Variants in GREM2 observed in about 807,000 individuals in gnomAD.
The protein encoded by GREM2 is gremlin 2, DAN family BMP antagonist.
A neutral mutation model predicts 14.2 loss-of-function variants in GREM2; 11 were observed. The ratio of observed to expected loss-of-function variants is 0.78; its 90% confidence interval spans 0.49 to 1.28. The LOEUF (loss-of-function observed/expected upper bound fraction) is 1.28, where lower values mean the gene tolerates loss of function less well. Ranked by LOEUF, GREM2 falls within the 50% of genes most tolerant of loss-of-function variation. GREM2 has a pLI of 0.00. For missense variants in GREM2, 210 were observed against 218.5 expected, an observed-to-expected ratio of 0.96 and a Z score of 0.24; for synonymous variants, 98 against 97.6, an observed-to-expected ratio of 1.00 and a Z score of -0.02.
At chr1:240,530,717 C>T (rs1486973996) in intron 1 of GREM2, 1 of 152,044 alleles carries the variant, frequency 6.6e-6, no homozygotes, top group Non-Finnish European at 1.5e-5. Flanking sequence ...AATGATAAAC[C>T]ACCAAAAAGT....
At chr1:240,500,594 C>T (rs9729222) in intron 1 of GREM2, among the ~76,000 whole-genome samples, 39,620 of 151,992 alleles carry the variant, frequency 0.26, 5,427 homozygotes, top group African/African-American at 0.35. Flanking sequence ...CGTGAGCTGC[C>T]GTGCCCAGCC....
intron 1 of GREM2, among the ~76,000 whole-genome samples, chr1:240,558,743 A>C (rs1678991743): frequency 6.6e-6 from 1 of 152,110 alleles, no homozygotes; most frequent in Admixed American, 6.6e-5. Context: ...AGAGAACTTT[A>C]GTTTCTGTTG....
At chr1:240,585,513 T>TGTCCTCTGGAGTTCGAGACCTGGAGTTC (rs1459831382) in intron 1 of GREM2, among the ~76,000 whole-genome samples, 1 of 151,930 alleles carries the variant, frequency 6.6e-6, no homozygotes, top group Non-Finnish European at 1.5e-5. Context: ...GAGGATCACT[T>TGTCCTCTGGAGTTCGAGACCTGGAGTTC]GAGGTCTGGA....
At chr1:240,524,709 C>T (rs1678184210) in intron 1 of GREM2, among the ~76,000 whole-genome samples, 1 of 152,182 alleles carries the variant, frequency 6.6e-6, no homozygotes, top group African/African-American at 2.4e-5. Flanking sequence ...TGACATAAAA[C>T]AACAAAAGCC....
chr1:240,559,392 G>T, intron 1 of GREM2, among the ~76,000 whole-genome samples: 1 of 139,794 alleles, frequency 7.2e-6, no homozygotes, highest in African/African-American at 2.8e-5. Context: ...CACCCAGTGT[G>T]GAGGACAATG....
In GREM2 at chr1:240,492,070, G is replaced by A. The variant is rs1677265458; in HGVS notation, c.*899C>T. The stretch of plus-strand genomic sequence containing the variant: ...TGCTGTCATCCTTACTCCGAATGGT[G>A]CTGCAAGCCAGAGTCAAAACATGTG... On this transcript the variant is annotated 3_prime_UTR_variant, in exon 2 of 2. Transcript: ENST00000318160. 4.6e-6 allele frequency: 1 copy of A among 219,658 alleles called. No individual in the cohort carries two copies. Among genetic ancestry groups the A allele is most frequent in the Admixed American group, 4.5e-5 (1 of 22,228 alleles). The allele number at this position is 219,658 out of a possible 1,614,324, so 13.6% of individuals were successfully genotyped here.
chr1:240,575,635 C>CTCAGTCTCCTGAA, intron 1 of GREM2, among the ~76,000 whole-genome samples: 1 of 151,968 alleles, frequency 6.6e-6, no homozygotes, highest in South Asian at 2.1e-4. Context: ...ATTCTCCTGA[C>CTCAGTCTCCTGAA]TCAGTCTCCT....
chr1:240,552,604 A>G (rs1678874453), intron 1 of GREM2, among the ~76,000 whole-genome samples: 1 of 152,246 alleles, frequency 6.6e-6, no homozygotes, highest in South Asian at 2.1e-4. Flanking sequence ...TTTTAAATTG[A>G]AAGGCAGTTT....
Position 240,596,119 on chromosome 1 carries a change from G to A in GREM2, c.-2+15765C>T, listed in dbSNP as rs148379264. Among the ~76,000 whole-genome samples the A allele has an allele frequency of 9.2e-5, 14 of 152,226 alleles. No homozygotes were observed. The East Asian group carries it at 2.5e-3, about 27-fold the overall frequency. On this transcript the variant is annotated intron_variant, in intron 1 of 1. Transcript: ENST00000318160. ...TATTGTGTAGGCTGAATGATCGGTA[G>A]GCATTATTTTTGTTGTCATTATTAT... is the stretch of plus-strand genomic sequence containing the variant.
At chr1:240,513,298 C>T (rs1318227416) in intron 1 of GREM2, among the ~76,000 whole-genome samples, 2 of 152,040 alleles carry the variant, frequency 1.3e-5, no homozygotes, top group Non-Finnish European at 2.9e-5. Context: ...GAAAGGTGAC[C>T]GGGCGCAGTG....
In GREM2 at chr1:240,529,528, C is replaced by T. The variant is rs1218970851; in HGVS notation, c.-1-36052G>A. The stretch of plus-strand genomic sequence containing the variant: ...ACCTTCCAGCAAGCTAATATAAATA[C>T]ATATCTGACGTATCTGTTATACAAT... On this transcript the variant is annotated intron_variant, in intron 1 of 1. Coordinates refer to ENST00000318160, the MANE Select transcript of GREM2 (RefSeq NM_022469.4). Among the ~76,000 whole-genome samples, 3 of 151,924 alleles carry T rather than the reference C, an allele frequency of 2.0e-5. No homozygotes were observed. The East Asian group carries it at 5.8e-4, about 29-fold the overall frequency.
intron 1 of GREM2, among the ~76,000 whole-genome samples, chr1:240,591,124 C>T (rs909101710): frequency 1.3e-5 from 2 of 152,132 alleles, no homozygotes; most frequent in Non-Finnish European, 2.9e-5. Flanking sequence ...ACATTTATTT[C>T]CTCAAAGGAA....
chr1:240,529,551 A>C (rs1354565524), intron 1 of GREM2, among the ~76,000 whole-genome samples: 1 of 152,178 alleles, frequency 6.6e-6, no homozygotes, highest in East Asian at 1.9e-4. Context: ...TCTGTTATAC[A>C]ATATGACAAG....
intron 1 of GREM2, among the ~76,000 whole-genome samples, chr1:240,589,390 G>A (rs889321075): frequency 6.6e-6 from 1 of 150,830 alleles, no homozygotes; most frequent in Non-Finnish European, 1.5e-5. Flanking sequence ...AGCTGAGATC[G>A]TGCCATTGCA....
chr1:240,563,079 G>A (rs1679099045), intron 1 of GREM2, among the ~76,000 whole-genome samples: 1 of 150,706 alleles, frequency 6.6e-6, no homozygotes, highest in Admixed American at 6.6e-5. Context: ...GTGTGTATAT[G>A]TGAGTGTGTG....
Position 240,585,969 on chromosome 1 carries a change from C to A in GREM2, c.-2+25915G>T, listed in dbSNP as rs184077763. 1.2e-3 allele frequency among the ~76,000 whole-genome samples: 187 copies of A among 151,434 alleles called. 1 individual carries two copies. Among genetic ancestry groups the A allele is most frequent in the African/African-American group, 4.5e-3 (184 of 41,326 alleles). On this transcript the variant is annotated intron_variant, in intron 1 of 1. Transcript: ENST00000318160. ...TCTCAGAACAATTTTCCCACTTGGGCCCTCAAAATAAAGAATTATTAAAAG... is the reference window on the plus strand; with the variant it reads ...TCTCAGAACAATTTTCCCACTTGGGACCTCAAAATAAAGAATTATTAAAAG...
intron 1 of GREM2, among the ~76,000 whole-genome samples, chr1:240,609,840 T>C (rs781331755): frequency 4.6e-5 from 7 of 152,322 alleles, no homozygotes; most frequent in Admixed American, 2.0e-4. Context: ...AAGAGATGTT[T>C]ACTTTAAAGA....
chr1:240,527,076 G>T (rs1678241230), intron 1 of GREM2, among the ~76,000 whole-genome samples: 1 of 152,196 alleles, frequency 6.6e-6, no homozygotes. Flanking sequence ...CAGGAAAAAA[G>T]AATTAAGTCC....
intron 1 of GREM2, among the ~76,000 whole-genome samples, chr1:240,503,103 T>C (rs757744163): frequency 1.3e-5 from 2 of 152,344 alleles, no homozygotes; most frequent in Non-Finnish European, 2.9e-5. Flanking sequence ...CTTTGCAGTA[T>C]AGAGCACAAA....
Sources: gnomAD v4.1 joint callset for allele counts (sites outside exome capture counted in the v4.1 genomes callset) on GRCh38, gnomAD v4.1.1 for gene constraint, MANE v1.5 for transcripts, NCBI Gene and HGNC (gene_info 2026-07-23, HGNC 2026-07-21) for gene names.